The following CHST10 variants were observed in gnomAD, a reference collection of about 807,000 sequenced individuals.
CHST10 encodes the protein HNK-1 sulfotransferase.
A neutral mutation model predicts 34.7 loss-of-function variants in CHST10; 24 were observed. That is an observed-to-expected ratio of 0.69 (90% confidence interval 0.50 to 0.97). CHST10 has a LOEUF of 0.97. CHST10 is among the 50% of genes least tolerant of loss of function. The pLI is 0.00. For synonymous variants in CHST10, 161 were observed against 169.3 expected (o/e 0.95, Z 0.38); for missense variants, 402 against 452.1 (o/e 0.89, Z 1.00).
chr2:100,398,198 G>C, intron 4 of CHST10, 56 bp from the exon 5 acceptor site: 1 of 1,335,790 alleles, frequency 7.5e-7, no homozygotes, highest in South Asian at 1.3e-5. Flanking sequence ...GGCAGGACCG[G>C]GCCAAGCAGA....
intron 2 of CHST10, among the ~76,000 whole-genome samples, chr2:100,410,332 T>G (rs1345074885): frequency 6.6e-6 from 1 of 152,240 alleles, no homozygotes; most frequent in Non-Finnish European, 1.5e-5. Context: ...AGCACCGCTC[T>G]GCGCCACCTG....
chr2:100,407,678 C>T (rs1675639817), intron 2 of CHST10: 1 of 152,222 alleles, frequency 6.6e-6, no homozygotes, highest in Admixed American at 6.5e-5. Flanking sequence ...TCAACATTTA[C>T]ATCCTAGAAT....
intron 4 of CHST10, among the ~76,000 whole-genome samples, chr2:100,401,912 T>C (rs1234248552): frequency 1.3e-5 from 2 of 152,186 alleles, no homozygotes; most frequent in African/African-American, 2.4e-5. Flanking sequence ...TCTGGAACAA[T>C]TGCAACTTCA....
At chr2:100,396,047 T>C (rs1675044367) in intron 5 of CHST10, among the ~76,000 whole-genome samples, 1 of 152,204 alleles carries the variant, frequency 6.6e-6, no homozygotes, top group Non-Finnish European at 1.5e-5. Flanking sequence ...TGCTAACAGA[T>C]GCCCGCAGCA....
At chr2:100,394,681 T>C (rs1325441696) in intron 6 of CHST10, among the ~76,000 whole-genome samples, 1 of 151,858 alleles carries the variant, frequency 6.6e-6, no homozygotes, top group Admixed American at 6.6e-5. Context: ...ACCTGAGAGC[T>C]ACTACATGAG....
intron 1 of CHST10, chr2:100,416,880 C>T (rs1676089350): frequency 9.9e-7 from 1 of 1,008,342 alleles, no homozygotes; most frequent in African/African-American, 1.7e-5. Flanking sequence ...CTGCATGCCT[C>T]AACCTCCAAC....
chr2:100,391,947 G>T lies in CHST10; in HGVS notation c.*1298C>A, dbSNP rs1021258509. On this transcript the variant is annotated 3_prime_UTR_variant, in exon 7 of 7. Transcript: ENST00000264249. ...GAAAAGGTAGAGGCCGCCTTGAAGCGAAGCCTGGCTCCCTCCTCCACCCCG... is the reference window on the plus strand; with the variant it reads ...GAAAAGGTAGAGGCCGCCTTGAAGCTAAGCCTGGCTCCCTCCTCCACCCCG... 4 of 152,746 alleles carry T rather than the reference G, an allele frequency of 2.6e-5. No homozygotes were observed. Among genetic ancestry groups the T allele is most frequent in the African/African-American group, 9.6e-5 (4 of 41,460 alleles). 9.5% of individuals were successfully genotyped at this position (152,746 alleles called of 1,614,324 possible).
chr2:100,406,788 CA>C, intron 2 of CHST10, 81 bp from the exon 3 acceptor site: 1 of 1,552,140 alleles, frequency 6.4e-7, no homozygotes, highest in South Asian at 1.2e-5. Flanking sequence ...CAGGTGATTT[CA>C]GTCAGTAAGT....
chr2:100,398,198 G>A, intron 4 of CHST10, 56 bp from the exon 5 acceptor site: 1 of 1,335,790 alleles, frequency 7.5e-7, no homozygotes, highest in Non-Finnish European at 1.0e-6. Flanking sequence ...GGCAGGACCG[G>A]GCCAAGCAGA....
chr2:100,398,542 A>G (rs1675182606), intron 4 of CHST10, among the ~76,000 whole-genome samples: 1 of 152,120 alleles, frequency 6.6e-6, no homozygotes. Context: ...CATCTCTACT[A>G]AAAATACAAA....
At chr2:100,416,084 A>G (rs1676055741) in intron 1 of CHST10, 1 of 152,258 alleles carries the variant, frequency 6.6e-6, no homozygotes, top group Non-Finnish European at 1.5e-5. Flanking sequence ...TGTTAGAAAC[A>G]TCATGTACGG....
chr2:100,406,851 T>C, intron 2 of CHST10, 144 bp from the exon 3 acceptor site: 1 of 929,504 alleles, frequency 1.1e-6, no homozygotes, highest in Admixed American at 3.0e-5. Context: ...GTAGTTTGAC[T>C]TGGCATTTAA....
intron 4 of CHST10, among the ~76,000 whole-genome samples, chr2:100,401,436 G>A (rs975184113): frequency 6.6e-6 from 1 of 152,088 alleles, no homozygotes; most frequent in Non-Finnish European, 1.5e-5. Flanking sequence ...CCTCCACCCG[G>A]AGAGGGAGCA....
chr2:100,407,742 C>T (rs1247800770), intron 2 of CHST10: 4 of 152,200 alleles, frequency 2.6e-5, no homozygotes, highest in South Asian at 4.1e-4. Flanking sequence ...ACACCCACCA[C>T]GTAGTTATCC....
At chr2:100,408,825 C>A (rs1675693691) in intron 2 of CHST10, among the ~76,000 whole-genome samples, 1 of 151,832 alleles carries the variant, frequency 6.6e-6, no homozygotes, top group African/African-American at 2.4e-5. Context: ...GGGGGTCCAT[C>A]CTCATGGGTC....
At chr2:100,407,970 T>A (rs1675653832) in intron 2 of CHST10, 1 of 152,056 alleles carries the variant, frequency 6.6e-6, no homozygotes, top group South Asian at 2.1e-4. Context: ...TTAGTGTAAG[T>A]ATAACCCAAA....
At chr2:100,397,433 C>A (rs17024190) in intron 5 of CHST10, among the ~76,000 whole-genome samples, 2 of 152,164 alleles carry the variant, frequency 1.3e-5, no homozygotes, top group African/African-American at 4.8e-5. Flanking sequence ...GCTTGGTCTG[C>A]AGGTAAAGAG....
intron 4 of CHST10, among the ~76,000 whole-genome samples, chr2:100,402,284 C>A (rs559716430): frequency 6.6e-6 from 1 of 152,310 alleles, no homozygotes; most frequent in South Asian, 2.1e-4. Context: ...CTCTCGGCTC[C>A]CCAGGCAAGG....
intron 2 of CHST10, chr2:100,408,374 G>C (rs1675675814): frequency 1.3e-5 from 2 of 152,060 alleles, no homozygotes; most frequent in African/African-American, 4.8e-5. Flanking sequence ...AAGAACCCCA[G>C]ACTTGGTTCA....
Sources: gnomAD v4.1 joint callset for allele counts (sites outside exome capture counted in the v4.1 genomes callset) on GRCh38, gnomAD v4.1.1 for gene constraint, MANE v1.5 for transcripts, NCBI Gene and HGNC (gene_info 2026-07-23, HGNC 2026-07-21) for gene names.